The following BMPR1B variants were observed in gnomAD, a reference collection of about 807,000 sequenced individuals.
BMPR1B encodes bone morphogenetic protein receptor type-1B.
In BMPR1B, 12 loss-of-function variants were observed where a neutral mutation model predicts 59.1. That is an observed-to-expected ratio of 0.20 (90% CI 0.13 to 0.33). BMPR1B has a LOEUF of 0.33. Among genes scored for constraint, BMPR1B ranks in the 10% least tolerant of loss-of-function variants. The pLI, the probability that BMPR1B is intolerant of heterozygous loss-of-function variation, is 1.00. For missense variants in BMPR1B, 550 were observed against 610.9 expected, an observed-to-expected ratio of 0.90 and a Z score of 1.05; for synonymous variants, 237 against 207.3, an observed-to-expected ratio of 1.14 and a Z score of -1.23.
At chr4:94,965,415 C>A (rs192926329) in intron 2 of BMPR1B, among the ~76,000 whole-genome samples, 61 of 152,136 alleles carry the variant, frequency 4.0e-4, no homozygotes, top group Non-Finnish European at 7.1e-4. Flanking sequence ...TATGGCATTT[C>A]TTATAACTGG....
intron 2 of BMPR1B, among the ~76,000 whole-genome samples, chr4:94,958,667 G>A (rs11940026): frequency 0.22 from 32,944 of 152,024 alleles, 3,799 homozygotes; most frequent in Middle Eastern, 0.26. Flanking sequence ...AGACTTCATC[G>A]TATGAATTTT....
intron 8 of BMPR1B, among the ~76,000 whole-genome samples, chr4:95,127,720 AGGACGGCT>A (rs1733006545): frequency 6.6e-6 from 1 of 152,118 alleles, no homozygotes. Context: ...TCCTAAAGAG[AGGACGGCT>A]GCATTACACA....
intron 2 of BMPR1B, among the ~76,000 whole-genome samples, chr4:94,908,091 GAA>G (rs61435395): frequency 0.094 from 7,983 of 84,536 alleles, 902 homozygotes; most frequent in African/African-American, 0.28. Flanking sequence ...AAAAAAAAAA[GAA>G]AAAACAAAAA....
intron 2 of BMPR1B, among the ~76,000 whole-genome samples, chr4:94,908,093 A>AAAAAAGAAAAAG (rs1553917473): frequency 1.7e-5 from 2 of 118,712 alleles, no homozygotes; most frequent in Non-Finnish European, 1.6e-5. Flanking sequence ...AAAAAAAAGA[A>AAAAAAGAAAAAG]AAAACAAAAA....
At chr4:95,042,079 A>C (rs1296096479) in intron 3 of BMPR1B, among the ~76,000 whole-genome samples, 1 of 152,016 alleles carries the variant, frequency 6.6e-6, no homozygotes, top group Non-Finnish European at 1.5e-5. Flanking sequence ...GATGGTCTCG[A>C]TCTCCTGACC....
chr4:94,932,621 A>C (rs1729134021), intron 2 of BMPR1B, among the ~76,000 whole-genome samples: 1 of 152,170 alleles, frequency 6.6e-6, no homozygotes, highest in Non-Finnish European at 1.5e-5. Context: ...TGAGTTTGTC[A>C]AATACATACC....
intron 2 of BMPR1B, among the ~76,000 whole-genome samples, chr4:94,972,230 T>C (rs2149077996): frequency 6.6e-6 from 1 of 152,002 alleles, no homozygotes; most frequent in East Asian, 1.9e-4. Flanking sequence ...TAAAATCTAC[T>C]TAAAATATAT....
At chr4:94,768,581 C>G (rs970727227) in intron 1 of BMPR1B, among the ~76,000 whole-genome samples, 1 of 151,848 alleles carries the variant, frequency 6.6e-6, no homozygotes, top group African/African-American at 2.4e-5. Flanking sequence ...TTTCTCTGAG[C>G]CAAAAAAATT....
chr4:94,919,076 G>T (rs752057140), intron 2 of BMPR1B, among the ~76,000 whole-genome samples: 1 of 151,936 alleles, frequency 6.6e-6, no homozygotes, highest in African/African-American at 2.4e-5. Context: ...ATCTTATAAC[G>T]TGATGCATCA....
At chr4:95,064,930 TA>T (rs1265317531) in intron 3 of BMPR1B, among the ~76,000 whole-genome samples, 1 of 152,112 alleles carries the variant, frequency 6.6e-6, no homozygotes, top group Non-Finnish European at 1.5e-5. Context: ...CCTGGGAATA[TA>T]AAATGGTACC....
chr4:94,923,617 T>C (rs1728782788), intron 2 of BMPR1B, among the ~76,000 whole-genome samples: 1 of 152,186 alleles, frequency 6.6e-6, no homozygotes, highest in Admixed American at 6.6e-5. Context: ...ATAATAAGTT[T>C]AGATTAGCTA....
intron 3 of BMPR1B, among the ~76,000 whole-genome samples, chr4:95,094,652 G>A (rs1207456249): frequency 6.6e-6 from 1 of 152,082 alleles, no homozygotes; most frequent in Non-Finnish European, 1.5e-5. Context: ...CTATAAGGAA[G>A]TTAGTTAAGT....
intron 3 of BMPR1B, among the ~76,000 whole-genome samples, chr4:95,101,304 T>C (rs1189570483): frequency 6.6e-6 from 1 of 152,134 alleles, no homozygotes; most frequent in Non-Finnish European, 1.5e-5. Context: ...CTTGGTGTCC[T>C]ACAGTCCTTG....
At chr4:94,772,324 G>A (rs895796452) in intron 1 of BMPR1B, among the ~76,000 whole-genome samples, 1 of 152,084 alleles carries the variant, frequency 6.6e-6, no homozygotes, top group Admixed American at 6.5e-5. Context: ...AATGCAGAAG[G>A]GCCTATTGGC....
At chr4:95,037,086 T>C (rs1232271123) in intron 3 of BMPR1B, among the ~76,000 whole-genome samples, 1 of 152,164 alleles carries the variant, frequency 6.6e-6, no homozygotes, top group African/African-American at 2.4e-5. Context: ...ATTTGGAGAA[T>C]TTCAGTCCTG....
intron 3 of BMPR1B, among the ~76,000 whole-genome samples, chr4:95,063,138 A>G (rs1418182836): frequency 1.3e-5 from 2 of 152,132 alleles, no homozygotes; most frequent in African/African-American, 4.8e-5. Context: ...CAAAATAATA[A>G]AAAAAGATCT....
intron 2 of BMPR1B, among the ~76,000 whole-genome samples, chr4:94,889,377 T>G (rs1489898855): frequency 1.3e-5 from 2 of 152,096 alleles, no homozygotes; most frequent in Non-Finnish European, 2.9e-5. Flanking sequence ...GCGTCAACTC[T>G]GTAGTATCTC....
chr4:94,914,546 A>G (rs147428784), intron 2 of BMPR1B, among the ~76,000 whole-genome samples: 59 of 152,224 alleles, frequency 3.9e-4, no homozygotes, highest in East Asian at 2.7e-3. Context: ...TATGCATGCA[A>G]AGGAAGGATA....
At chr4:94,934,732 T>G (rs914753476) in intron 2 of BMPR1B, among the ~76,000 whole-genome samples, 1 of 152,156 alleles carries the variant, frequency 6.6e-6, no homozygotes, top group Non-Finnish European at 1.5e-5. Context: ...TAATAGTTTT[T>G]TCCCCCTGCA....
Sources: gnomAD v4.1 joint callset for allele counts (sites outside exome capture counted in the v4.1 genomes callset) on GRCh38, gnomAD v4.1.1 for gene constraint, MANE v1.5 for transcripts, NCBI Gene and HGNC (gene_info 2026-07-23, HGNC 2026-07-21) for gene names.